Variants in TRIOBP observed in about 807,000 individuals in gnomAD.
The protein encoded by TRIOBP is TRIO and F-actin-binding protein.
In TRIOBP, 169 loss-of-function variants were observed where a neutral mutation model predicts 238.8. The observed-to-expected ratio is 0.71, with a 90% CI of 0.62 to 0.80. TRIOBP has a LOEUF of 0.80. Ranked by LOEUF, TRIOBP falls within the 30% of genes least tolerant of loss-of-function variation. TRIOBP has a pLI of 0.00. For synonymous variants in TRIOBP, 1,150 were observed against 1,274.4 expected, an observed-to-expected ratio of 0.90 and a Z score of 2.08; for missense variants, 2,838 against 3,122.6, an observed-to-expected ratio of 0.91 and a Z score of 2.17.
At chr22:37,766,494 C>A (rs947486790) in intron 18 of TRIOBP, among the ~76,000 whole-genome samples, 2 of 152,268 alleles carry the variant, frequency 1.3e-5, no homozygotes, top group Non-Finnish European at 2.9e-5. Context: ...TCAGGAAGAT[C>A]GCCTTTGCAG....
At chr22:37,703,437 C>A (rs1466879772) in intron 3 of TRIOBP, among the ~76,000 whole-genome samples, 2 of 152,010 alleles carry the variant, frequency 1.3e-5, no homozygotes, top group East Asian at 3.9e-4. Flanking sequence ...GACTCACGAA[C>A]CTCCGAGGGC....
At position 37,769,014 on chromosome 22, in the gene TRIOBP, C is replaced by T; in HGVS notation, c.6576-14C>T. The T allele has an allele frequency of 6.2e-7, 1 of 1,613,200 alleles. No homozygotes were observed. The highest frequency in any genetic ancestry group is 8.5e-7 in the Non-Finnish European group (1 of 1,180,032). ...AGACAACCTATGCTCTCCTCTGCTC[C>T]TCCTCTGGGGCAGGTCAGATGTGGA... is the stretch of plus-strand genomic sequence containing the variant. On this transcript the variant is annotated splice_polypyrimidine_tract_variant and intron_variant, in intron 19 of 23. Transcript: ENST00000644935.
chr22:37,707,055 G>A (rs952012405), intron 3 of TRIOBP, among the ~76,000 whole-genome samples: 3 of 152,100 alleles, frequency 2.0e-5, no homozygotes, highest in Non-Finnish European at 2.9e-5. Flanking sequence ...ATCACTTGAG[G>A]TCAGGAGTTT....
intron 5 of TRIOBP, among the ~76,000 whole-genome samples, chr22:37,715,422 A>G (rs1245184139): frequency 6.6e-6 from 1 of 151,698 alleles, no homozygotes; most frequent in Non-Finnish European, 1.5e-5. Context: ...CACTCAATGC[A>G]AGCTCCACCT....
chr22:37,755,836 AG>A (rs1295837260), intron 15 of TRIOBP, among the ~76,000 whole-genome samples, 177 bp downstream of exon 15: 1 of 152,132 alleles, frequency 6.6e-6, no homozygotes, highest in East Asian at 1.9e-4. Flanking sequence ...TGAGGGTTTG[AG>A]GTTTGATCTG....
intron 12 of TRIOBP, among the ~76,000 whole-genome samples, chr22:37,753,460 G>A (rs1021757229): frequency 6.6e-6 from 1 of 152,020 alleles, no homozygotes; most frequent in African/African-American, 2.4e-5. Context: ...TGTATTTTTA[G>A]TAGAGACAGG....
Position 37,769,313 on chromosome 22 carries a change from G to C in TRIOBP, c.6787G>C (p.Ala2263Pro). The C allele has an allele frequency of 6.2e-7, 1 of 1,611,872 alleles. No homozygotes were observed. The highest frequency in any genetic ancestry group is 8.5e-7 in the Non-Finnish European group (1 of 1,179,492). ...GATAGACCAGCTGCGCGGCTTCATT[G>C]CCTCGCAGGGCATGGGCAATGGCTG... ...EEIDQLRGFI[A>P]SQGMGNGCGR... The change falls in exon 21 of 24, where the codon GCC becomes CCC. Residue 2263 changes from alanine (A) to proline (P), a missense_variant. Around this residue, in one of 5 missense-constraint regions of TRIOBP, gnomAD observed 2,096 missense variants for 2,137.4 expected, o/e 0.98. Coordinates refer to ENST00000644935, the MANE Select transcript of TRIOBP (RefSeq NM_001039141.3).
intron 12 of TRIOBP, among the ~76,000 whole-genome samples, chr22:37,754,633 G>C (rs998300684): frequency 2.0e-5 from 3 of 152,148 alleles, no homozygotes; most frequent in African/African-American, 7.2e-5. Context: ...CGGGGTGCCT[G>C]AGGAGCCTTG....
Position 37,740,996 on chromosome 22 carries a change from G to A in TRIOBP, c.5286G>A (p.Pro1762=), listed in dbSNP as rs894707553. ...GGGACCGGCCCACGCTGTTCAATCC[G>A]TTCCTGCTGTCTCTGGGGGTCCTCA... is the stretch of plus-strand genomic sequence containing the variant. ...MPGDRPTLFN[P]FLLSLGVLRW... is the part of the protein sequence containing the mutation. Residue 1762 remains proline (P), a synonymous_variant, in exon 11 of 24, where the codon CCG becomes CCA. Transcript: ENST00000644935. The A allele has an allele frequency of 2.8e-5, 44 of 1,560,840 alleles. No individual in the cohort carries two copies. Among genetic ancestry groups the A allele is most frequent in the Middle Eastern group, 3.3e-4 (2 of 5,998 alleles).
chr22:37,731,145 AC>A (rs1034283534), intron 7 of TRIOBP, among the ~76,000 whole-genome samples: 1 of 151,466 alleles, frequency 6.6e-6, no homozygotes, highest in Non-Finnish European at 1.5e-5. Context: ...CCAACCCCAT[AC>A]TTTTTTTTTG....
chr22:37,764,056 C>G (rs541879195), intron 17 of TRIOBP, among the ~76,000 whole-genome samples: 1 of 152,230 alleles, frequency 6.6e-6, no homozygotes, highest in African/African-American at 2.4e-5. Context: ...TTGAACTCTT[C>G]GCTTCTGCCC....
intron 11 of TRIOBP, among the ~76,000 whole-genome samples, chr22:37,745,081 T>C (rs1375013479): frequency 6.6e-6 from 1 of 152,022 alleles, no homozygotes; most frequent in African/African-American, 2.4e-5. Flanking sequence ...GCCAGTCTGC[T>C]CTTGAACTCC....
chr22:37,768,206 C>A (rs751116968), intron 19 of TRIOBP, 30 bp downstream of exon 19: 4 of 1,574,194 alleles, frequency 2.5e-6, no homozygotes, highest in Non-Finnish European at 3.5e-6. Flanking sequence ...CAACTGCCCA[C>A]CCTGATGGTT....
intron 16 of TRIOBP, 85 bp downstream of exon 16, chr22:37,758,223 C>T: frequency 6.5e-7 from 1 of 1,539,802 alleles, no homozygotes; most frequent in Non-Finnish European, 8.8e-7. Context: ...ATTTGTCTTG[C>T]ACTCCTACAG....
chr22:37,751,688 A>G, intron 11 of TRIOBP, 84 bp from the exon 12 acceptor site: 1 of 1,485,810 alleles, frequency 6.7e-7, no homozygotes, highest in Non-Finnish European at 9.4e-7. Context: ...ACTTGGGGAC[A>G]GGGTGGGTGC....
intron 3 of TRIOBP, among the ~76,000 whole-genome samples, chr22:37,707,611 G>C (rs1229439371): frequency 1.3e-5 from 2 of 151,668 alleles, no homozygotes. Flanking sequence ...TAGGTCAACA[G>C]ATTTCTAACA....
rs1926911473 is a variant in TRIOBP, at chr22:37,773,931, C to CACACAG, written c.*156_*157insGACACA. On this transcript the variant is annotated 3_prime_UTR_variant, in exon 24 of 24. Transcript: ENST00000644935. ...ACACACACACACACACACACACACA[C>CACACAG]ACACACAGACACACAGACACATACG... The CACACAG allele has an allele frequency of 8.2e-6, 1 of 121,338 alleles. No homozygotes were observed. The highest frequency in any genetic ancestry group is 7.5e-5 in the Admixed American group (1 of 13,288). The allele number at this position is 121,338 out of a possible 1,614,324, so 7.5% of individuals were successfully genotyped here.
At position 37,725,493 on chromosome 22, in the gene TRIOBP, C is replaced by T. The variant is rs1924090218; in HGVS notation, c.2937C>T (p.Ser979=). Residue 979 remains serine (S), a synonymous_variant, in exon 7 of 24, where the codon TCC becomes TCT. Coordinates refer to ENST00000644935, the MANE Select transcript of TRIOBP (RefSeq NM_001039141.3). ...QYNLPSRATS[S]SHNPGHQSTS... ...ACTTGCCATCCCGGGCCACCTCTTC[C>T]TCCCATAACCCAGGCCACCAGAGCA... The T allele has an allele frequency of 6.2e-7, 1 of 1,613,592 alleles. No homozygotes were observed. Among genetic ancestry groups the T allele is most frequent in the Non-Finnish European group, 8.5e-7 (1 of 1,179,966 alleles).
In TRIOBP at chr22:37,769,116, C is replaced by T; in HGVS notation, c.6664C>T (p.Gln2222Ter). The T allele has an allele frequency of 6.2e-7, 1 of 1,613,338 alleles. No individual in the cohort carries two copies. Among genetic ancestry groups the T allele is most frequent in the Non-Finnish European group, 8.5e-7 (1 of 1,180,008 alleles). Residue 2222 changes from glutamine to a stop codon, truncating the protein, a stop_gained, in exon 20 of 24, where the codon CAG becomes TAG. Transcript: ENST00000644935. LOFTEE classifies it high-confidence loss of function. Reference sequence around the variant, plus strand: ...CCTGGAGATTGGGGCACTCATGCGGCAGGCTGAGGAGCGCGAGCACACGCT... The same window carrying T: ...CCTGGAGATTGGGGCACTCATGCGGTAGGCTGAGGAGCGCGAGCACACGCT... ...KCLEIGALMR[Q>*]AEEREHTLRR...
Sources: gnomAD v4.1 joint callset for allele counts (sites outside exome capture counted in the v4.1 genomes callset) on GRCh38, gnomAD v4.1.1 for gene constraint, gnomAD v4.1.1 regional missense constraint, MANE v1.5 for transcripts, NCBI Gene and HGNC (gene_info 2026-07-23, HGNC 2026-07-21) for gene names.